DENND1A: variants seen among roughly 807,000 people sequenced by gnomAD.
The protein encoded by DENND1A is DENN domain containing 1A.
A neutral mutation model predicts 113.7 loss-of-function variants in DENND1A; 51 were observed. That is an observed-to-expected ratio of 0.45 (90% confidence interval 0.36 to 0.57). The LOEUF is 0.57. Ranked by LOEUF, DENND1A falls within the 20% of genes least tolerant of loss-of-function variation. The pLI is 0.00. For missense variants in DENND1A, 1,258 were observed against 1,395.9 expected (o/e 0.90, Z 1.57); for synonymous variants, 565 against 570.8 (o/e 0.99, Z 0.14).
rs147373893 is a variant in DENND1A, at chr9:123,637,935, A to G, written c.619-7459T>C. 1.1e-3 allele frequency among the ~76,000 whole-genome samples: 47 copies of G among 41,296 alleles called. No homozygotes were observed. In the East Asian group the frequency reaches 0.022, roughly 19 times the overall value. The allele number at this position is 41,296 out of a possible 152,430, so 27.1% of individuals were successfully genotyped here. On this transcript the variant is annotated intron_variant, in intron 9 of 23. Coordinates refer to ENST00000394215, the MANE Select transcript of DENND1A (RefSeq NM_001352964.2). ...AACACACACACACACACACACACGC[A>G]CACACACACACACACGCGCACACAC...
At chr9:123,582,592 T>G (rs571448582) in intron 12 of DENND1A, among the ~76,000 whole-genome samples, 7 of 151,934 alleles carry the variant, frequency 4.6e-5, no homozygotes, top group Admixed American at 6.6e-5. Context: ...GTAGAGACTG[T>G]GTTTCACCAT....
chr9:123,581,984 A>G (rs2058921756), intron 12 of DENND1A, among the ~76,000 whole-genome samples: 1 of 152,238 alleles, frequency 6.6e-6, no homozygotes, highest in African/African-American at 2.4e-5. Context: ...AAGTAGCAAC[A>G]GAAGACAGGT....
At chr9:123,891,958 G>A (rs148790002) in intron 1 of DENND1A, among the ~76,000 whole-genome samples, 4 of 152,098 alleles carry the variant, frequency 2.6e-5, no homozygotes, top group Non-Finnish European at 5.9e-5. Context: ...AAGGAGGGGG[G>A]ACCTAAGCAA....
chr9:123,482,150 C>T (rs550823928), intron 13 of DENND1A, among the ~76,000 whole-genome samples: 4 of 148,812 alleles, frequency 2.7e-5, no homozygotes, highest in Non-Finnish European at 4.5e-5. Context: ...CAGGCTGGAG[C>T]GCAGTGGCGC....
At chr9:123,867,380 T>C (rs1845936514) in intron 2 of DENND1A, among the ~76,000 whole-genome samples, 1 of 152,214 alleles carries the variant, frequency 6.6e-6, no homozygotes, top group African/African-American at 2.4e-5. Context: ...ATTAATGATT[T>C]AGAAGTGTGA....
chr9:123,879,553 T>TACAC (rs138124573), intron 1 of DENND1A, among the ~76,000 whole-genome samples: 61 of 150,106 alleles, frequency 4.1e-4, no homozygotes, highest in African/African-American at 8.1e-4. Context: ...AATAAAATTA[T>TACAC]ACACACACAC....
chr9:123,531,552 T>C lies in DENND1A; in HGVS notation c.993+26018A>G, dbSNP rs2055304319. Among the ~76,000 whole-genome samples, 3 of 133,790 alleles carry C rather than the reference T, an allele frequency of 2.2e-5. No homozygotes were observed. In the Admixed American group the frequency reaches 2.3e-4, roughly 10 times the overall value. The allele number at this position is 133,790 out of a possible 152,430, so 87.8% of individuals were successfully genotyped here. The stretch of plus-strand genomic sequence containing the variant: ...TTATCCTTCTCTTCCCCCCTCTCTC[T>C]CTACACACACACACACACACACACA... On this transcript the variant is annotated intron_variant, in intron 13 of 23. Coordinates refer to ENST00000394215, the MANE Select transcript of DENND1A (RefSeq NM_001352964.2).
At position 123,381,207 on chromosome 9, in the gene DENND1A, G is replaced by A. The variant is rs1359038873; in HGVS notation, c.*225C>T. ...AGGAGAGGCAACCGCGGGGTGGGATGGGCACTCAGGAACTGGGTTGATTCC... is the reference window on the plus strand; with the variant it reads ...AGGAGAGGCAACCGCGGGGTGGGATAGGCACTCAGGAACTGGGTTGATTCC... On this transcript the variant is annotated 3_prime_UTR_variant, in exon 24 of 24. Coordinates refer to ENST00000394215, the MANE Select transcript of DENND1A (RefSeq NM_001352964.2). This position sits in a 1 kb window ranked among gnomAD's most constrained non-coding sequence, Gnocchi z 4.7. 1.2e-5 allele frequency: 7 copies of A among 591,886 alleles called. No homozygotes were observed. Among genetic ancestry groups the A allele is most frequent in the Non-Finnish European group, 2.1e-5 (7 of 334,158 alleles). 36.7% of individuals were successfully genotyped at this position (591,886 alleles called of 1,614,324 possible).
intron 13 of DENND1A, among the ~76,000 whole-genome samples, chr9:123,539,882 CA>C (rs141372137): frequency 0.2 from 18,209 of 90,720 alleles, 1,406 homozygotes; most frequent in African/African-American, 0.33. Flanking sequence ...GACTCCGTCT[CA>C]AAAAAAAAAA....
intron 1 of DENND1A, among the ~76,000 whole-genome samples, chr9:123,926,234 ATGT>A (rs1361672039): frequency 1.3e-5 from 2 of 152,120 alleles, no homozygotes; most frequent in Non-Finnish European, 2.9e-5. Context: ...TGTCCATTAA[ATGT>A]TGATTTGAGG....
At chr9:123,561,314 G>A (rs567383420) in intron 12 of DENND1A, among the ~76,000 whole-genome samples, 19 of 152,128 alleles carry the variant, frequency 1.2e-4, no homozygotes, top group Non-Finnish European at 2.6e-4. Context: ...GAGCAAATAC[G>A]AGTGTGTCCC....
At chr9:123,832,001 A>G (rs1188948335) in intron 2 of DENND1A, among the ~76,000 whole-genome samples, 1 of 152,150 alleles carries the variant, frequency 6.6e-6, no homozygotes, top group Admixed American at 6.5e-5. Flanking sequence ...AACAATAACA[A>G]TAATAAGTGA....
intron 21 of DENND1A, among the ~76,000 whole-genome samples, chr9:123,396,001 G>A (rs189076315): frequency 0.021 from 3,175 of 151,582 alleles, 56 homozygotes; most frequent in Non-Finnish European, 0.033. Context: ...GTGTGTGCAC[G>A]CGTGTGAGAC....
chr9:123,907,767 C>A (rs1853153610), intron 1 of DENND1A, among the ~76,000 whole-genome samples: 1 of 139,250 alleles, frequency 7.2e-6, no homozygotes, highest in African/African-American at 2.8e-5. Context: ...AATGGCCATA[C>A]TGCCCAAGGT....
intron 12 of DENND1A, among the ~76,000 whole-genome samples, chr9:123,570,234 CCTGAAGTGGCTATAGATCTGCCCAT>C (rs2058282420): frequency 6.6e-6 from 1 of 152,132 alleles, no homozygotes; most frequent in Admixed American, 6.5e-5. Context: ...AATCTCCATA[CCTGAAGTGGCTATAGATCTGCCCAT>C]CTGGAAGACT....
intron 2 of DENND1A, among the ~76,000 whole-genome samples, chr9:123,855,759 C>T (rs1844073978): frequency 6.6e-6 from 1 of 152,078 alleles, no homozygotes; most frequent in Admixed American, 6.6e-5. Context: ...ATTAAGTGTC[C>T]AGGTGCGGCG....
At position 123,726,689 on chromosome 9, in the gene DENND1A, T is replaced by C. The variant is rs377719467; in HGVS notation, c.302+31014A>G. 3.9e-5 allele frequency among the ~76,000 whole-genome samples: 6 copies of C among 152,298 alleles called. 1 individual carries two copies. The highest frequency in any genetic ancestry group is 6.5e-5 in the Admixed American group (1 of 15,302). On this transcript the variant is annotated intron_variant, in intron 5 of 23. Coordinates refer to ENST00000394215, the MANE Select transcript of DENND1A (RefSeq NM_001352964.2). ...GTACTTGGGTAATTCTTAATAATGG[T>C]GAAAAAAACAGCAAGTGAAGAAAAG...
intron 11 of DENND1A, among the ~76,000 whole-genome samples, chr9:123,590,282 G>C (rs531468787): frequency 1.3e-5 from 2 of 152,268 alleles, no homozygotes; most frequent in African/African-American, 4.8e-5. Flanking sequence ...AGGCTTTTGG[G>C]GGTTGGGAAT....
chr9:123,787,455 T>A (rs1050776140), intron 3 of DENND1A, among the ~76,000 whole-genome samples: 1 of 152,326 alleles, frequency 6.6e-6, no homozygotes, highest in Admixed American at 6.5e-5. Flanking sequence ...ATCTTCAACA[T>A]ACAAGTTGCA....
Sources: allele counts gnomAD v4.1 joint callset (sites outside exome capture counted in the v4.1 genomes callset), GRCh38; gene constraint gnomAD v4.1.1; non-coding constraint Gnocchi (gnomAD v3.1); transcripts MANE v1.5; gene names NCBI Gene and HGNC (gene_info 2026-07-23, HGNC 2026-07-21).